Variants in HIBCH observed in about 807,000 individuals in gnomAD.
HIBCH encodes the protein 3-hydroxyisobutyryl-CoA hydrolase.
A neutral mutation model predicts 58.2 loss-of-function variants in HIBCH; 50 were observed. That is an observed-to-expected ratio of 0.86 (90% CI 0.68 to 1.09). HIBCH has a LOEUF of 1.09. Ranked by LOEUF, HIBCH falls within the 50% of genes least tolerant of loss-of-function variation. The pLI is 0.00. For missense variants in HIBCH, 450 were observed against 449.7 expected, an observed-to-expected ratio of 1.00 and a Z score of -0.01; for synonymous variants, 151 against 146.9, an observed-to-expected ratio of 1.03 and a Z score of -0.20.
At chr2:190,302,578 T>C (rs1270897043) in intron 2 of HIBCH, among the ~76,000 whole-genome samples, 1 of 152,196 alleles carries the variant, frequency 6.6e-6, no homozygotes, top group Non-Finnish European at 1.5e-5. Context: ...AGGTAGTTGC[T>C]TGAAATCAGC....
chr2:190,254,093 T>G lies in HIBCH; in HGVS notation c.518-1786A>C, dbSNP rs1197978680. The stretch of plus-strand genomic sequence containing the variant: ...ACATTTTCCTTAACTCCTATGACTT[T>G]AAATAATATCTATATGCTGATTACT... On this transcript the variant is annotated intron_variant, in intron 7 of 13. Transcript: ENST00000359678. The surrounding 1 kb of genome is among the most constrained non-coding windows in gnomAD (Gnocchi z 5.0). 6.6e-6 allele frequency among the ~76,000 whole-genome samples: 1 copy of G among 152,126 alleles called. No homozygotes were observed. Among genetic ancestry groups the G allele is most frequent in the Non-Finnish European group, 1.5e-5 (1 of 68,024 alleles).
intron 1 of HIBCH, among the ~76,000 whole-genome samples, chr2:190,191,921 C>G: frequency 6.6e-6 from 1 of 150,472 alleles, no homozygotes; most frequent in East Asian, 2.0e-4. Context: ...TTTTTTCAAT[C>G]TTTTAACTGT....
rs533795915 is a variant in HIBCH, at chr2:190,227,908, G to A, written c.892-14833C>T. Reference sequence around the variant, plus strand: ...TCATTAAAAAGTCAGGAAACGACAGGTGCTGAAGAGGAAGAGAAACAGGAA... The same window carrying A: ...TCATTAAAAAGTCAGGAAACGACAGATGCTGAAGAGGAAGAGAAACAGGAA... On this transcript the variant is annotated intron_variant, in intron 11 of 13. Transcript: ENST00000359678. Among the ~76,000 whole-genome samples the A allele has an allele frequency of 2.0e-5, 3 of 152,266 alleles. No individual in the cohort carries two copies. In the South Asian group the frequency reaches 6.2e-4, roughly 32 times the overall value.
At position 190,287,058 on chromosome 2, in the gene HIBCH, G is replaced by GTGTGTGTGTGTGTGTGTGTA. The variant is rs10662510; in HGVS notation, c.438+527_438+528insTACACACACACACACACACA. ...TGTGTGTGTGTGTGTGTGTGTGTGT[G>GTGTGTGTGTGTGTGTGTGTA]TATACATATATTTTTTTGTTTTTGA... is the stretch of plus-strand genomic sequence containing the variant. On this transcript the variant is annotated intron_variant, in intron 6 of 13. Transcript: ENST00000359678. Among the ~76,000 whole-genome samples the GTGTGTGTGTGTGTGTGTGTA allele has an allele frequency of 3.2e-3, 471 of 147,758 alleles. 5 individuals carry two copies. The highest frequency in any genetic ancestry group is 6.8e-3 in the Middle Eastern group (2 of 292).
intron 2 of HIBCH, among the ~76,000 whole-genome samples, chr2:190,308,689 C>T (rs1559065529): frequency 6.6e-6 from 1 of 152,124 alleles, no homozygotes; most frequent in South Asian, 2.1e-4. Context: ...ACCTCCGTAA[C>T]GATAAGAAAT....
chr2:190,199,095 C>G (rs915458009), downstream of HIBCH, among the ~76,000 whole-genome samples: 7 of 152,054 alleles, frequency 4.6e-5, no homozygotes, highest in Non-Finnish European at 1.0e-4. Flanking sequence ...AATATGTGAC[C>G]AGGGGATAAA....
chr2:190,287,881 G>T (rs1160050923), intron 5 of HIBCH, among the ~76,000 whole-genome samples: 1 of 152,148 alleles, frequency 6.6e-6, no homozygotes, highest in Non-Finnish European at 1.5e-5. Context: ...CCAGGGCCCA[G>T]TGTGGTGGCT....
chr2:190,218,859 C>T (rs1174917993), intron 11 of HIBCH, among the ~76,000 whole-genome samples: 2 of 152,196 alleles, frequency 1.3e-5, no homozygotes, highest in African/African-American at 4.8e-5. Context: ...TCCCTTCTTT[C>T]TCCATAGGGA....
At chr2:190,237,634 T>G (rs949843448) in intron 11 of HIBCH, among the ~76,000 whole-genome samples, 4 of 152,190 alleles carry the variant, frequency 2.6e-5, no homozygotes, top group Admixed American at 6.5e-5. Flanking sequence ...AACTGCATTC[T>G]TGCTGCAATG....
chr2:190,294,637 A>C lies in HIBCH; in HGVS notation c.220-7T>G. On this transcript the variant is annotated splice_region_variant and splice_polypyrimidine_tract_variant and intron_variant, in intron 3 of 13. Transcript: ENST00000359678. ...CAGGATCTTGTTCCCACTTCTATTC[A>C]AATGTAACAGAAGATGGTATAAGCA... 6.3e-7 allele frequency: 1 copy of C among 1,581,816 alleles called. No homozygotes were observed. The highest frequency in any genetic ancestry group is 1.1e-5 in the South Asian group (1 of 90,462).
At chr2:190,308,916 A>G (rs1688483112) in intron 2 of HIBCH, among the ~76,000 whole-genome samples, 1 of 152,190 alleles carries the variant, frequency 6.6e-6, no homozygotes, top group Non-Finnish European at 1.5e-5. Context: ...CCAGGATTCA[A>G]ATCACACCTC....
At chr2:190,296,778 A>G in intron 3 of HIBCH, 35 bp downstream of exon 3, 1 of 1,565,884 alleles carries the variant, frequency 6.4e-7, no homozygotes, top group Non-Finnish European at 8.8e-7. Flanking sequence ...TACTTTGAAA[A>G]GAATCCATAT....
chr2:190,200,019 G>T (rs1376510939), downstream of HIBCH: 4 of 1,614,040 alleles, frequency 2.5e-6, no homozygotes, highest in Non-Finnish European at 3.4e-6. Flanking sequence ...AACCTCCAGG[G>T]ACCAATACTG....
chr2:190,235,971 T>C (rs568623283), intron 11 of HIBCH, among the ~76,000 whole-genome samples: 50 of 152,342 alleles, frequency 3.3e-4, no homozygotes, highest in Non-Finnish European at 5.4e-4. Flanking sequence ...TCATTCATCA[T>C]ACCTATCATA....
At chr2:190,245,897 T>C (rs1294515780) in intron 10 of HIBCH, among the ~76,000 whole-genome samples, 1 of 147,920 alleles carries the variant, frequency 6.8e-6, no homozygotes, top group Non-Finnish European at 1.5e-5. Context: ...GGCTGAAGCA[T>C]AAGAATTGCT....
chr2:190,192,988 T>C (rs1689788477), intron 1 of HIBCH, among the ~76,000 whole-genome samples: 1 of 152,100 alleles, frequency 6.6e-6, no homozygotes, highest in South Asian at 2.1e-4. Flanking sequence ...TCAATCTTTA[T>C]GCTTTGTATG....
At chr2:190,198,918 CA>C (rs1484700977) in intron 1 of HIBCH, among the ~76,000 whole-genome samples, 1 of 152,142 alleles carries the variant, frequency 6.6e-6, no homozygotes, top group Non-Finnish European at 1.5e-5. Flanking sequence ...AAACATCAAA[CA>C]AGGGTAGGAA....
chr2:190,235,450 C>A (rs1686247192), intron 11 of HIBCH, among the ~76,000 whole-genome samples: 1 of 152,122 alleles, frequency 6.6e-6, no homozygotes, highest in Non-Finnish European at 1.5e-5. Flanking sequence ...CTTTCAGCCT[C>A]CAACATTTCT....
chr2:190,222,531 C>T (rs1270536105), intron 11 of HIBCH, among the ~76,000 whole-genome samples: 1 of 152,016 alleles, frequency 6.6e-6, no homozygotes, highest in Non-Finnish European at 1.5e-5. Flanking sequence ...TGCTCATCAT[C>T]ACTGGTCATT....
Sources: allele counts gnomAD v4.1 joint callset (sites outside exome capture counted in the v4.1 genomes callset), GRCh38; gene constraint gnomAD v4.1.1; non-coding constraint Gnocchi (gnomAD v3.1); transcripts MANE v1.5; gene names NCBI Gene and HGNC (gene_info 2026-07-23, HGNC 2026-07-21).